Variants in LRP2 observed in about 807,000 individuals in gnomAD.
LRP2 encodes the protein LDL receptor related protein 2.
LRP2 carries 172 observed loss-of-function variants against 531.0 expected under a neutral mutation model. The ratio of observed to expected loss-of-function variants is 0.32; its 90% CI spans 0.29 to 0.37. The LOEUF (loss-of-function observed/expected upper bound fraction) is 0.37. Ranked by LOEUF, LRP2 falls within the 10% of genes least tolerant of loss-of-function variation. The pLI is 1.00. For missense variants in LRP2, 5,167 were observed against 5,868.3 expected (o/e 0.88, Z 3.90); for synonymous variants, 1,992 against 2,027.6 (o/e 0.98, Z 0.47).
rs1455056782 is a variant in LRP2 at position 169,182,316 on chromosome 2, C to T, written c.9849G>A (p.Lys3283=). 1 of 1,613,602 alleles carries T rather than the reference C, an allele frequency of 6.2e-7. No individual in the cohort carries two copies. Among genetic ancestry groups the T allele is most frequent in the Non-Finnish European group, 8.5e-7 (1 of 1,179,888 alleles). ...ESLAVDWVSR[K]LYWLDARLDG... ...CCAGGCGGGCATCCAACCAGTAGAG[C>T]TTTCTAAAATGGAGAGCCAGGAGTT... is the stretch of plus-strand genomic sequence containing the variant. The change falls in exon 51 of 79, where the codon AAG becomes AAA. Residue 3283 remains lysine, a synonymous_variant. Coordinates refer to ENST00000649046, the MANE Select transcript of LRP2 (RefSeq NM_004525.3).
intron 77 of LRP2, among the ~76,000 whole-genome samples, chr2:169,131,284 T>C (rs1186713219): frequency 1.3e-5 from 2 of 148,928 alleles, no homozygotes; most frequent in African/African-American, 5.0e-5. Context: ...TGTGTGTGTG[T>C]GTGTGACATG....
At chr2:169,345,421 G>A (rs1685670202) in intron 1 of LRP2, among the ~76,000 whole-genome samples, 1 of 152,120 alleles carries the variant, frequency 6.6e-6, no homozygotes, top group South Asian at 2.1e-4. Context: ...AAATAAAAAT[G>A]AACAAATAAA....
intron 1 of LRP2, among the ~76,000 whole-genome samples, chr2:169,345,616 G>A (rs113853028): frequency 6.6e-6 from 1 of 152,040 alleles, no homozygotes; most frequent in South Asian, 2.1e-4. Flanking sequence ...TTACAGAACT[G>A]TGCACACACA....
intron 37 of LRP2, 96 bp from the exon 38 acceptor site, chr2:169,209,737 T>C: frequency 3.5e-6 from 4 of 1,152,054 alleles, no homozygotes; most frequent in Non-Finnish European, 5.1e-6. Flanking sequence ...CCCAACCCCC[T>C]GCTCTGAGCA....
chr2:169,187,614 G>A (rs1012113847), intron 49 of LRP2, among the ~76,000 whole-genome samples: 1 of 152,158 alleles, frequency 6.6e-6, no homozygotes, highest in Admixed American at 6.5e-5. Context: ...ACAGGCCAAC[G>A]AGTTCTAGCA....
chr2:169,232,523 CA>C (rs1454643402), intron 30 of LRP2, among the ~76,000 whole-genome samples: 1 of 151,846 alleles, frequency 6.6e-6, no homozygotes, highest in Non-Finnish European at 1.5e-5. Context: ...TATATTCGAG[CA>C]AAAAGAAACA....
At chr2:169,134,417 G>A (rs1312339951) in intron 76 of LRP2, among the ~76,000 whole-genome samples, 4 of 152,004 alleles carry the variant, frequency 2.6e-5, no homozygotes, top group East Asian at 1.9e-4. Context: ...ACATTACTAC[G>A]GATACCACAC....
chr2:169,270,992 G>C lies in LRP2; in HGVS notation c.2232C>G (p.Val744=). Residue 744 remains valine, a synonymous_variant, in exon 16 of 79, where the codon GTC becomes GTG. Coordinates refer to ENST00000649046, the MANE Select transcript of LRP2 (RefSeq NM_004525.3). Reference sequence around the variant, plus strand: ...TGTCCTGGGCGTCAAAATCAATCCCGACAAAGAAAGAAGGATTCCCCGAAA... The same window carrying C: ...TGTCCTGGGCGTCAAAATCAATCCCCACAAAGAAAGAAGGATTCCCCGAAA... ...VPVSGNPSFF[V]GIDFDAQDST... is the part of the protein sequence containing the mutation. The C allele has an allele frequency of 6.2e-7, 1 of 1,613,116 alleles. No individual in the cohort carries two copies.
rs831011 is a variant in LRP2 at position 169,283,129 on chromosome 2, A to G, written c.1043-128T>C. Reference sequence around the variant, plus strand: ...CATGTCTAAATAAACACCCTCTGGAATTAGGCACAGGTTCTGAGAATTTAT... The same window carrying G: ...CATGTCTAAATAAACACCCTCTGGAGTTAGGCACAGGTTCTGAGAATTTAT... On this transcript the variant is annotated intron_variant, in intron 9 of 78. Coordinates refer to ENST00000649046, the MANE Select transcript of LRP2 (RefSeq NM_004525.3). 0.77 allele frequency: 674,376 copies of G among 881,508 alleles called. 259,199 individuals are homozygous for G. The highest frequency in any genetic ancestry group is 0.88 in the East Asian group (36,031 of 40,912). The allele number at this position is 881,508 out of a possible 1,614,324, so 54.6% of individuals were successfully genotyped here.
Position 169,142,784 on chromosome 2 carries a change from AG to A in LRP2, c.12997del (p.Leu4333PhefsTer12). 1 of 1,613,998 alleles carries A rather than the reference AG, an allele frequency of 6.2e-7. No homozygotes were observed. Among genetic ancestry groups the A allele is most frequent in the Non-Finnish European group, 8.5e-7 (1 of 1,179,882 alleles). On this transcript the variant is annotated frameshift_variant, in exon 71 of 79. Coordinates refer to ENST00000649046, the MANE Select transcript of LRP2 (RefSeq NM_004525.3). LOFTEE classifies it high-confidence loss of function. ...GAGGTGGCTGCAGATCTGTTTGCAA[AG>A]GTTGGGCACTGGAAAGCGGGTGAGA... Reference protein sequence around the residue: ...QLRYNKSVPNLCKQICSHLCL... With the variant: ...QLRYNKSVPNXCKQICSHLCL...
At chr2:169,286,919 A>G (rs917046518) in intron 9 of LRP2, among the ~76,000 whole-genome samples, 1 of 152,212 alleles carries the variant, frequency 6.6e-6, no homozygotes, top group Non-Finnish European at 1.5e-5. Context: ...CTAAGAGAAA[A>G]GGAAAATGCC....
rs186551634 is a variant in LRP2, at chr2:169,303,093, A to G, written c.427+4188T>C. Among the ~76,000 whole-genome samples the G allele has an allele frequency of 3.5e-4, 53 of 152,258 alleles. No homozygotes were observed. The South Asian group carries it at 5.6e-3, about 16-fold the overall frequency. On this transcript the variant is annotated intron_variant, in intron 4 of 78. Transcript: ENST00000649046. ...AATAATGGGGAGAATAAAGAGAATA[A>G]ATAAAACAATATTAGTTATGAGTTC...
intron 1 of LRP2, among the ~76,000 whole-genome samples, chr2:169,360,045 A>G (rs1686102614): frequency 6.6e-6 from 1 of 150,496 alleles, no homozygotes; most frequent in African/African-American, 2.5e-5. Flanking sequence ...GGATCGCTTG[A>G]ACCTGGGAGG....
intron 52 of LRP2, among the ~76,000 whole-genome samples, chr2:169,180,135 G>C (rs1166281370): frequency 2.6e-5 from 4 of 152,152 alleles, no homozygotes; most frequent in Non-Finnish European, 1.5e-5. Flanking sequence ...AAGCTTTCAA[G>C]ACCAAGAATA....
intron 1 of LRP2, among the ~76,000 whole-genome samples, chr2:169,334,455 T>C (rs6433115): frequency 0.22 from 33,029 of 152,100 alleles, 3,713 homozygotes; most frequent in East Asian, 0.28. Context: ...GTTGGGTACC[T>C]ATAGTTACAG....
At chr2:169,275,819 C>A (rs1276035370) in intron 13 of LRP2, among the ~76,000 whole-genome samples, 1 of 151,852 alleles carries the variant, frequency 6.6e-6, no homozygotes, top group African/African-American at 2.4e-5. Context: ...ATCAACTGAT[C>A]ATACTTGTAA....
At chr2:169,228,935 C>T (rs140194682) in intron 31 of LRP2, among the ~76,000 whole-genome samples, 20 of 152,212 alleles carry the variant, frequency 1.3e-4, no homozygotes, top group East Asian at 3.9e-4. Flanking sequence ...ACGGAGCAAA[C>T]GGGTAAAAAT....
Position 169,238,221 on chromosome 2 carries a change from T to C in LRP2, c.4376A>G (p.Tyr1459Cys), listed in dbSNP as rs141274015. The C allele has an allele frequency of 1.9e-6, 3 of 1,614,022 alleles. No individual in the cohort carries two copies. The highest frequency in any genetic ancestry group is 2.7e-5 in the African/African-American group (2 of 74,924). Residue 1459 changes from tyrosine (Y) to cysteine (C), a missense_variant, in exon 27 of 79, where the codon TAT becomes TGT. Around this residue, in one of 6 missense-constraint regions of LRP2, gnomAD observed 2,811 missense variants for 3,058.0 expected, o/e 0.92. Coordinates refer to ENST00000649046, the MANE Select transcript of LRP2 (RefSeq NM_004525.3). ...GTAAGAACCATTCTCGACCAATGAATAGATATTGTGGACCTGGGAGGTGAC... is the reference window on the plus strand; with the variant it reads ...GTAAGAACCATTCTCGACCAATGAACAGATATTGTGGACCTGGGAGGTGAC... ...DSVTSQVHNI[Y>C]SLVENGSYIV...
intron 34 of LRP2, among the ~76,000 whole-genome samples, chr2:169,217,151 T>C (rs140494696): frequency 8.1e-4 from 124 of 152,314 alleles, no homozygotes; most frequent in African/African-American, 2.7e-3. Flanking sequence ...CCACTGAAGA[T>C]GTAAGTTCTA....
Sources: allele counts gnomAD v4.1 joint callset (sites outside exome capture counted in the v4.1 genomes callset), GRCh38; gene constraint gnomAD v4.1.1; regional missense constraint gnomAD v4.1.1; transcripts MANE v1.5; gene names NCBI Gene and HGNC (gene_info 2026-07-23, HGNC 2026-07-21).